The following ARHGEF1 variants were observed in gnomAD, a reference collection of about 807,000 sequenced individuals.
The protein encoded by ARHGEF1 is Rho guanine nucleotide exchange factor 1, also known as 115 kDa guanine nucleotide exchange factor.
In ARHGEF1, 40 loss-of-function variants were observed where a neutral mutation model predicts 119.7. That is an observed-to-expected ratio of 0.33 (90% CI 0.26 to 0.44). The LOEUF is 0.44. Among genes scored for constraint, ARHGEF1 ranks in the 20% least tolerant of loss-of-function variants. ARHGEF1 has a pLI of 1.00. For synonymous variants in ARHGEF1, 494 were observed against 521.0 expected, an observed-to-expected ratio of 0.95 and a Z score of 0.71; for missense variants, 976 against 1,268.3, an observed-to-expected ratio of 0.77 and a Z score of 3.50.
At chr19:41,928,782 ACCCC>A in intron 1 of ARHGEF1, 1 of 386,346 alleles carries the variant, frequency 2.6e-6, no homozygotes, top group Non-Finnish European at 5.3e-6. Flanking sequence ...AGGTGGAGAG[ACCCC>A]CCTCCTCTCC....
downstream of ARHGEF1, chr19:41,909,389 C>T: frequency 8.1e-7 from 1 of 1,237,078 alleles, no homozygotes; most frequent in Non-Finnish European, 1.0e-6. The surrounding 1 kb of genome is among the most constrained non-coding windows in gnomAD (Gnocchi z 5.2). Flanking sequence ...GGGTAATTGA[C>T]AAGCACGACT....
intron 1 of ARHGEF1, among the ~76,000 whole-genome samples, chr19:41,927,433 C>G (rs2074878132): frequency 6.6e-6 from 1 of 152,052 alleles, no homozygotes; most frequent in Non-Finnish European, 1.5e-5. Context: ...TAGCTTTGAA[C>G]TCCAACTCCA....
At chr19:41,923,201 A>T (rs782738599) in exon 1 of ARHGEF1, 2 of 456,456 alleles carry the variant, frequency 4.4e-6, no homozygotes, top group South Asian at 3.1e-5. Flanking sequence ...CCAAAGTCCC[A>T]CAGGGATGAG....
chr19:41,923,574 G>T (rs1599680678), intron 1 of ARHGEF1, among the ~76,000 whole-genome samples: 1 of 146,418 alleles, frequency 6.8e-6, no homozygotes. Flanking sequence ...GGAGACAGGG[G>T]CAGGTGGTGG....
In ARHGEF1 at chr19:41,888,362, C is replaced by T. The variant is rs1465112172; in HGVS notation, c.111+84C>T. On this transcript the variant is annotated intron_variant, in intron 3 of 28. Transcript: ENST00000354532. This position sits in a 1 kb window ranked among gnomAD's most constrained non-coding sequence, Gnocchi z 5.1. Reference sequence around the variant, plus strand: ...CCCTCCCACCTGCAGATGCTGTCTTCTTGGCCTTTTCCCACGGTCTGTCTC... The same window carrying T: ...CCCTCCCACCTGCAGATGCTGTCTTTTTGGCCTTTTCCCACGGTCTGTCTC... 6.5e-6 allele frequency: 9 copies of T among 1,392,384 alleles called. No individual in the cohort carries two copies. The highest frequency in any genetic ancestry group is 8.0e-6 in the Non-Finnish European group (8 of 997,714). The allele number at this position is 1,392,384 out of a possible 1,614,324, so 86.3% of individuals were successfully genotyped here.
rs1189025208 is a variant in ARHGEF1 at position 41,906,152 on chromosome 19, C to T, written c.2491+127C>T. On this transcript the variant is annotated intron_variant, in intron 26 of 28. Transcript: ENST00000354532. The surrounding 1 kb of genome is among the most constrained non-coding windows in gnomAD (Gnocchi z 4.5). Reference sequence around the variant, plus strand: ...TGCCAGAAAACAAATGCTCCAAACCCACCCAGCCTGCACCACTGTCCTGGG... The same window carrying T: ...TGCCAGAAAACAAATGCTCCAAACCTACCCAGCCTGCACCACTGTCCTGGG... 2.2e-6 allele frequency: 2 copies of T among 911,930 alleles called. No individual in the cohort carries two copies. The highest frequency in any genetic ancestry group is 3.4e-6 in the Non-Finnish European group (2 of 590,662). 56.5% of individuals were successfully genotyped at this position (911,930 alleles called of 1,614,324 possible).
intron 13 of ARHGEF1, 77 bp from the exon 14 acceptor site, chr19:41,898,365 G>T (rs1243968757): frequency 1.9e-6 from 3 of 1,545,922 alleles, no homozygotes; most frequent in African/African-American, 1.4e-5. Context: ...ACTGACCGGG[G>T]TTGAACGCTC....
At chr19:41,897,808 C>T (rs1555848184) in intron 13 of ARHGEF1, 1 of 908,710 alleles carries the variant, frequency 1.1e-6, no homozygotes. Flanking sequence ...CCTGGCCTCT[C>T]CCCACCTCTG....
Position 41,916,822 on chromosome 19 carries a change from C to T in ARHGEF1, c.1866-6270C>T, listed in dbSNP as rs1416436383. Among the ~76,000 whole-genome samples the T allele has an allele frequency of 2.7e-5, 4 of 149,472 alleles. No individual in the cohort carries two copies. Among genetic ancestry groups the T allele is most frequent in the African/African-American group, 5.1e-5 (2 of 38,946 alleles). ...CACAATCACACACACACACCAAGATCACGGACCCAAACATACGACCGACAG... is the reference window on the plus strand; with the variant it reads ...CACAATCACACACACACACCAAGATTACGGACCCAAACATACGACCGACAG... On this transcript the variant is annotated intron_variant, in intron 18 of 20. Transcript: ENST00000599589. This position sits in a 1 kb window ranked among gnomAD's most constrained non-coding sequence, Gnocchi z 5.4.
intron 14 of ARHGEF1, among the ~76,000 whole-genome samples, chr19:41,899,238 C>A (rs900138129): frequency 6.6e-6 from 1 of 152,034 alleles, no homozygotes; most frequent in African/African-American, 2.4e-5. Context: ...ATCCTCCTAC[C>A]TCAGCCTCCC....
At position 41,888,286 on chromosome 19, in the gene ARHGEF1, G is replaced by C. The variant is rs782250880; in HGVS notation, c.111+8G>C. ...GAGAACGAGCTGGAGACAGTGAGTGGGAGATAGGGTGGAAAAGCTCTGTCC... is the reference window on the plus strand; with the variant it reads ...GAGAACGAGCTGGAGACAGTGAGTGCGAGATAGGGTGGAAAAGCTCTGTCC... On this transcript the variant is annotated splice_region_variant and intron_variant, in intron 3 of 28. Coordinates refer to ENST00000354532, the MANE Select transcript of ARHGEF1 (RefSeq NM_004706.4). This position sits in a 1 kb window ranked among gnomAD's most constrained non-coding sequence, Gnocchi z 5.1. 3 of 1,613,386 alleles carry C rather than the reference G, an allele frequency of 1.9e-6. No individual in the cohort carries two copies. The highest frequency in any genetic ancestry group is 1.7e-6 in the Non-Finnish European group (2 of 1,179,854).
upstream of ARHGEF1, among the ~76,000 whole-genome samples, chr19:41,922,112 C>T (rs1338123970): frequency 3.3e-5 from 5 of 151,938 alleles, no homozygotes; most frequent in Admixed American, 6.5e-5. Context: ...AGAGCTGAAG[C>T]GGGGTGTGGT....
chr19:41,895,323 C>G (rs1555847298), intron 11 of ARHGEF1, 26 bp from the exon 12 acceptor site: 1 of 1,588,668 alleles, frequency 6.3e-7, no homozygotes, highest in Non-Finnish European at 8.6e-7. Flanking sequence ...TCTTATCTCC[C>G]TCTTTCTCCC....
chr19:41,912,806 A>G lies in ARHGEF1; in HGVS notation c.1865+6003A>G, dbSNP rs2074761297. 7.5e-6 allele frequency: 5 copies of G among 667,600 alleles called. No individual in the cohort carries two copies. In the South Asian group the frequency reaches 3.8e-4, roughly 51 times the overall value. The allele number at this position is 667,600 out of a possible 1,614,324, so 41.4% of individuals were successfully genotyped here. ...AGAAGGGGGATGCGGCTCACTGGGG[A>G]AGCCTGAGGGGTGGGGGAAGGGGTG... On this transcript the variant is annotated intron_variant, in intron 18 of 20. Coordinates refer to the ARHGEF1 transcript ENST00000599589.
At chr19:41,920,157 CAT>C (rs2074832114), upstream of ARHGEF1, among the ~76,000 whole-genome samples, 1 of 115,090 alleles carries the variant, frequency 8.7e-6, no homozygotes, top group African/African-American at 4.6e-5. Flanking sequence ...CACGCCCAGA[CAT>C]GATGCACTCA....
In ARHGEF1 at chr19:41,907,244, T is replaced by A. The variant is rs1555850513; in HGVS notation, c.*157T>A. ...CGCCTGGGAGGGGCCCAGCTGGGGT[T>A]ACTGGCCCCGCATGAGCCTCGGCCA... On this transcript the variant is annotated 3_prime_UTR_variant, in exon 29 of 29. Transcript: ENST00000354532. 1 of 1,521,684 alleles carries A rather than the reference T, an allele frequency of 6.6e-7. No homozygotes were observed. Among genetic ancestry groups the A allele is most frequent in the Admixed American group, 2.0e-5 (1 of 49,366 alleles). 94.3% of individuals were successfully genotyped at this position (1,521,684 alleles called of 1,614,324 possible).
intron 8 of ARHGEF1, 72 bp from the exon 9 acceptor site, chr19:41,894,135 A>AGTGTGTGTGTGTGTGTGTGG (rs2074434191): frequency 2.3e-6 from 1 of 442,016 alleles, no homozygotes; most frequent in African/African-American, 2.4e-5. Flanking sequence ...TGTGTGTGTG[A>AGTGTGTGTGTGTGTGTGTGG]GTGTGTGTGT....
chr19:41,884,558 G>T, intron 1 of ARHGEF1: 1 of 1,586,224 alleles, frequency 6.3e-7, no homozygotes. Context: ...GGCATCCCTG[G>T]CCGTGCACAC....
chr19:41,901,592 C>A (rs1184218248), intron 14 of ARHGEF1, among the ~76,000 whole-genome samples: 3 of 152,110 alleles, frequency 2.0e-5, no homozygotes, highest in Admixed American at 6.5e-5. Flanking sequence ...CAGGCACACA[C>A]CAACATGCCT....
Sources: allele counts gnomAD v4.1 joint callset (sites outside exome capture counted in the v4.1 genomes callset), GRCh38; gene constraint gnomAD v4.1.1; non-coding constraint Gnocchi (gnomAD v3.1); transcripts MANE v1.5; gene names NCBI Gene and HGNC (gene_info 2026-07-23, HGNC 2026-07-21).